The following RNF222 variants were observed in gnomAD, a reference collection of about 807,000 sequenced individuals.
RNF222 encodes ring finger protein 222, also known as RING finger protein LOC643904.
Under a neutral mutation model 10.8 loss-of-function variants are expected in RNF222, and 14 were observed. That is an observed-to-expected ratio of 1.30 (90% CI 0.86 to 2.03). The LOEUF (loss-of-function observed/expected upper bound fraction) is 2.03. Among genes scored for constraint, RNF222 ranks in the 30% most tolerant of loss-of-function variants. The pLI is 0.00. For missense variants in RNF222, 298 were observed against 295.8 expected, an observed-to-expected ratio of 1.01 and a Z score of -0.06; for synonymous variants, 141 against 142.5, an observed-to-expected ratio of 0.99 and a Z score of 0.07.
intron 1 of RNF222, among the ~76,000 whole-genome samples, chr17:8,396,567 G>A (rs1395691420): frequency 6.6e-6 from 1 of 150,924 alleles, no homozygotes; most frequent in East Asian, 1.9e-4. Flanking sequence ...TTACAACGAT[G>A]GCCTCTCCGG....
chr17:8,392,633 G>T lies in RNF222; in HGVS notation c.*166C>A. On this transcript the variant is annotated 3_prime_UTR_variant, in exon 3 of 3. Coordinates refer to ENST00000399398, the MANE Select transcript of RNF222 (RefSeq NM_001146684.3). This position sits in a 1 kb window ranked among gnomAD's most constrained non-coding sequence, Gnocchi z 4.3. ...GAGTCAGCTCCAGCCTCTCTGTCGA[G>T]CGGAAGCCCCTGCGGGGGTCGGGGA... 1 of 806,316 alleles carries T rather than the reference G, an allele frequency of 1.2e-6. No homozygotes were observed. Among genetic ancestry groups the T allele is most frequent in the Non-Finnish European group, 1.9e-6 (1 of 532,626 alleles). The allele number at this position is 806,316 out of a possible 1,614,324, so 49.9% of individuals were successfully genotyped here. A position where few individuals can be genotyped will look rare whatever the true frequency, so the allele number is the denominator to read the frequency against.
chr17:8,394,860 G>C (rs758242062), intron 1 of RNF222, among the ~76,000 whole-genome samples: 4 of 152,154 alleles, frequency 2.6e-5, no homozygotes, highest in Non-Finnish European at 5.9e-5. Flanking sequence ...CCAAGTGTCC[G>C]CACTGAAAAG....
In RNF222 at chr17:8,392,994, C is replaced by T; in HGVS notation, c.468G>A (p.Gly156=). The change falls in exon 3 of 3, where the codon GGG becomes GGA. Residue 156 remains glycine (G), a synonymous_variant. Coordinates refer to ENST00000399398, the MANE Select transcript of RNF222 (RefSeq NM_001146684.3). This position sits in a 1 kb window ranked among gnomAD's most constrained non-coding sequence, Gnocchi z 4.3. Reference sequence around the variant, plus strand: ...CGCTGTCCTGCTCCCCCAGGGGCATCCCGTGGCGGCTGATGACAAAGATCT... The same window carrying T: ...CGCTGTCCTGCTCCCCCAGGGGCATTCCGTGGCGGCTGATGACAAAGATCT... ...ESQIFVISRH[G]MPLGEQDSVL... 6.7e-7 allele frequency: 1 copy of T among 1,502,452 alleles called. No homozygotes were observed. Among genetic ancestry groups the T allele is most frequent in the East Asian group, 2.5e-5 (1 of 40,706 alleles). The allele number at this position is 1,502,452 out of a possible 1,614,324, so 93.1% of individuals were successfully genotyped here.
chr17:8,392,276 T>G lies in RNF222; in HGVS notation c.*523A>C, dbSNP rs1597501283. ...GCTGGCAGGTTGGGGACAGGGAGGGTTAGGGGATGGGGTGCTGTGGTGGAG... is the reference window on the plus strand; with the variant it reads ...GCTGGCAGGTTGGGGACAGGGAGGGGTAGGGGATGGGGTGCTGTGGTGGAG... On this transcript the variant is annotated 3_prime_UTR_variant, in exon 3 of 3. Coordinates refer to ENST00000399398, the MANE Select transcript of RNF222 (RefSeq NM_001146684.3). The surrounding 1 kb of genome is among the most constrained non-coding windows in gnomAD (Gnocchi z 4.3). The G allele has an allele frequency of 6.6e-6, 1 of 152,564 alleles. No homozygotes were observed. The highest frequency in any genetic ancestry group is 1.5e-5 in the Non-Finnish European group (1 of 68,552). The allele number at this position is 152,564 out of a possible 1,614,324, so 9.5% of individuals were successfully genotyped here.
intron 1 of RNF222, 97 bp from the exon 2 acceptor site, chr17:8,394,426 A>G (rs1274659633): frequency 2.7e-5 from 4 of 149,278 alleles, no homozygotes; most frequent in African/African-American, 9.9e-5. Flanking sequence ...ATATAAAGTA[A>G]CAAGATGGTT....
chr17:8,396,915 T>C (rs994123540), intron 1 of RNF222, among the ~76,000 whole-genome samples: 1 of 152,160 alleles, frequency 6.6e-6, no homozygotes, highest in African/African-American at 2.4e-5. Context: ...TGAAGAAGAA[T>C]GCAGTAAGTG....
chr17:8,392,848 A>ACGGCCAC lies in RNF222; in HGVS notation c.607_613dup (p.Val205GlyfsTer29). The ACGGCCAC allele has an allele frequency of 6.5e-7, 1 of 1,533,080 alleles. No homozygotes were observed. The highest frequency in any genetic ancestry group is 8.7e-7 in the Non-Finnish European group (1 of 1,146,226). The allele number at this position is 1,533,080 out of a possible 1,614,324, so 95.0% of individuals were successfully genotyped here. On this transcript the variant is annotated frameshift_variant, in exon 3 of 3. Coordinates refer to ENST00000399398, the MANE Select transcript of RNF222 (RefSeq NM_001146684.3). LOFTEE classifies it high-confidence loss of function. This position sits in a 1 kb window ranked among gnomAD's most constrained non-coding sequence, Gnocchi z 4.3. ...CACCCAGGGCAGGATGGCGGCCACCACGGCCACCACAGCGATGAGCGTGAT... is the reference window on the plus strand; with the variant it reads ...CACCCAGGGCAGGATGGCGGCCACCACGGCCACCGGCCACCACAGCGATGAGCGTGAT...
At position 8,392,462 on chromosome 17, in the gene RNF222, G is replaced by C. The variant is rs56276890; in HGVS notation, c.*337C>G. On this transcript the variant is annotated 3_prime_UTR_variant, in exon 3 of 3. Coordinates refer to ENST00000399398, the MANE Select transcript of RNF222 (RefSeq NM_001146684.3). The surrounding 1 kb of genome is among the most constrained non-coding windows in gnomAD (Gnocchi z 4.3). ...TCTTGTCCCTGGAGGGGCCCACCTG[G>C]CTTTGGGCAGGTCACCTGGCAGGTA... is the stretch of plus-strand genomic sequence containing the variant. 3.3e-6 allele frequency: 1 copy of C among 304,660 alleles called. No individual in the cohort carries two copies. The highest frequency in any genetic ancestry group is 2.2e-5 in the African/African-American group (1 of 44,806). The allele number at this position is 304,660 out of a possible 1,614,324, so 18.9% of individuals were successfully genotyped here.
At chr17:8,394,499 G>A (rs1295844968) in intron 1 of RNF222, among the ~76,000 whole-genome samples, 170 bp from the exon 2 acceptor site, 1 of 149,644 alleles carries the variant, frequency 6.7e-6, no homozygotes, top group Admixed American at 6.7e-5. Flanking sequence ...GTGCAGTGGC[G>A]CAACCTCAGC....
rs191380446 is a variant in RNF222 at position 8,395,392 on chromosome 17, T to C, written c.-177-1063A>G. On this transcript the variant is annotated intron_variant, in intron 1 of 2. Transcript: ENST00000399398. The stretch of plus-strand genomic sequence containing the variant: ...GTCCATAAGATGAAATTGATAATAA[T>C]GGTATCATCTTCCTCGGAGAGTTGT... Among the ~76,000 whole-genome samples the C allele has an allele frequency of 4.5e-4, 68 of 152,340 alleles. 1 individual carries two copies. Among genetic ancestry groups the C allele is most frequent in the African/African-American group, 1.5e-3 (62 of 41,580 alleles).
At position 8,392,712 on chromosome 17, in the gene RNF222, C is replaced by T; in HGVS notation, c.*87G>A. ...CTCCCCTCTGCCTGCCCGCGTGCCC[C>T]TCGGAGCTTGGTGGCACCAGGGCTG... On this transcript the variant is annotated 3_prime_UTR_variant, in exon 3 of 3. Transcript: ENST00000399398. The surrounding 1 kb of genome is among the most constrained non-coding windows in gnomAD (Gnocchi z 4.3). The T allele has an allele frequency of 1.4e-6, 2 of 1,463,550 alleles. No homozygotes were observed. The highest frequency in any genetic ancestry group is 1.4e-5 in the African/African-American group (1 of 69,450). The allele number at this position is 1,463,550 out of a possible 1,614,324, so 90.7% of individuals were successfully genotyped here.
chr17:8,396,612 G>T (rs1338589243), intron 1 of RNF222, among the ~76,000 whole-genome samples: 2 of 151,578 alleles, frequency 1.3e-5, no homozygotes, highest in Admixed American at 1.3e-4. Context: ...GGCCTCTCTG[G>T]ACAGTCCTTC....
At position 8,393,451 on chromosome 17, in the gene RNF222, C is replaced by T. The variant is rs1233364181; in HGVS notation, c.11G>A (p.Gly4Glu). 6.5e-7 allele frequency: 1 copy of T among 1,548,954 alleles called. No homozygotes were observed. Among genetic ancestry groups the T allele is most frequent in the Non-Finnish European group, 8.7e-7 (1 of 1,145,578 alleles). The stretch of plus-strand genomic sequence containing the variant: ...ACTGCCCGAGCTGTCCTTGCTCTCC[C>T]CTTCTGACATGGCCACTGGGAGATG... MSE[G>E]ESKDSSGSEC... is the part of the protein sequence containing the mutation. Residue 4 changes from glycine to glutamate, a missense_variant, in exon 3 of 3, where the codon GGG (glycine) becomes GAG (glutamate). Coordinates refer to ENST00000399398, the MANE Select transcript of RNF222 (RefSeq NM_001146684.3).
Position 8,392,769 on chromosome 17 carries a change from G to T in RNF222, c.*30C>A. 2 of 1,527,216 alleles carry T rather than the reference G, an allele frequency of 1.3e-6. No homozygotes were observed. The highest frequency in any genetic ancestry group is 1.7e-6 in the Non-Finnish European group (2 of 1,142,992). 94.6% of individuals were successfully genotyped at this position (1,527,216 alleles called of 1,614,324 possible). On this transcript the variant is annotated 3_prime_UTR_variant, in exon 3 of 3. Transcript: ENST00000399398. This position sits in a 1 kb window ranked among gnomAD's most constrained non-coding sequence, Gnocchi z 4.3. ...GCCTCCTGTCCCACCCCAGGCCACG[G>T]CTAGCCCGGCGGCCTCCCTGAGGTG...
At chr17:8,396,081 AGTATTGAT>A (rs763276128) in intron 1 of RNF222, among the ~76,000 whole-genome samples, 33 of 152,352 alleles carry the variant, frequency 2.2e-4, no homozygotes, top group South Asian at 6.2e-4. Flanking sequence ...TTTTGAAAGG[AGTATTGAT>A]GATCAATGGT....
In RNF222 at chr17:8,392,109, C is replaced by G. The variant is rs1907855176; in HGVS notation, c.*690G>C. 1 of 152,382 alleles carries G rather than the reference C, an allele frequency of 6.6e-6. No individual in the cohort carries two copies. Among genetic ancestry groups the G allele is most frequent in the Non-Finnish European group, 1.5e-5 (1 of 68,176 alleles). 9.4% of individuals were successfully genotyped at this position (152,382 alleles called of 1,614,324 possible). A position where few individuals can be genotyped will look rare whatever the true frequency, so the allele number is the denominator to read the frequency against. On this transcript the variant is annotated 3_prime_UTR_variant, in exon 3 of 3. Transcript: ENST00000399398. The surrounding 1 kb of genome is among the most constrained non-coding windows in gnomAD (Gnocchi z 4.3). ...GACCTCTGGCTCCGTTCGTGGGGCA[C>G]TCTGCTGGGGTGGCCTCTATCAACC...
chr17:8,392,785 C>T lies in RNF222; in HGVS notation c.*14G>A, dbSNP rs1301199423. 2.0e-6 allele frequency: 3 copies of T among 1,531,444 alleles called. No individual in the cohort carries two copies. The highest frequency in any genetic ancestry group is 1.4e-5 in the African/African-American group (1 of 72,660). 94.9% of individuals were successfully genotyped at this position (1,531,444 alleles called of 1,614,324 possible). A position where few individuals can be genotyped will look rare whatever the true frequency, so the allele number is the denominator to read the frequency against. ...CAGGCCACGGCTAGCCCGGCGGCCTCCCTGAGGTGCGGCTCACGCCTGCTT... is the reference window on the plus strand; with the variant it reads ...CAGGCCACGGCTAGCCCGGCGGCCTTCCTGAGGTGCGGCTCACGCCTGCTT... On this transcript the variant is annotated 3_prime_UTR_variant, in exon 3 of 3. Transcript: ENST00000399398. This position sits in a 1 kb window ranked among gnomAD's most constrained non-coding sequence, Gnocchi z 4.3.
At chr17:8,395,943 A>G (rs942566183) in intron 1 of RNF222, among the ~76,000 whole-genome samples, 6 of 152,178 alleles carry the variant, frequency 3.9e-5, no homozygotes, top group African/African-American at 1.4e-4. Context: ...TATTCGACAC[A>G]TATTTATTGA....
intron 2 of RNF222, among the ~76,000 whole-genome samples, chr17:8,393,806 T>G (rs1907952160): frequency 6.6e-6 from 1 of 152,188 alleles, no homozygotes; most frequent in Admixed American, 6.5e-5. Flanking sequence ...TCAATCATCA[T>G]GTACACACAT....
Sources: allele counts gnomAD v4.1 joint callset (sites outside exome capture counted in the v4.1 genomes callset), GRCh38; gene constraint gnomAD v4.1.1; non-coding constraint Gnocchi (gnomAD v3.1); transcripts MANE v1.5; gene names NCBI Gene and HGNC (gene_info 2026-07-23, HGNC 2026-07-21).